The following RNF114 variants were observed in gnomAD, a reference collection of about 807,000 sequenced individuals.
RNF114 encodes the protein ring finger protein 114, also known as E3 ubiquitin-protein ligase RNF114.
A neutral mutation model predicts 28.4 loss-of-function variants in RNF114; 6 were observed. That is an observed-to-expected ratio of 0.21 (90% CI 0.12 to 0.42). The LOEUF is 0.42. Among genes scored for constraint, RNF114 ranks in the 10% least tolerant of loss-of-function variants. The pLI is 1.00. For missense variants in RNF114, 249 were observed against 311.7 expected (o/e 0.80, Z 1.51); for synonymous variants, 115 against 116.7 (o/e 0.99, Z 0.09).
intron 2 of RNF114, among the ~76,000 whole-genome samples, chr20:49,942,239 A>G (rs926820393): frequency 3.9e-5 from 6 of 152,186 alleles, no homozygotes; most frequent in Non-Finnish European, 7.3e-5. Context: ...AGCCTGGCTG[A>G]CAGCAAGACC....
In RNF114 at chr20:49,937,698, C is replaced by G. The variant is rs76695819; in HGVS notation, c.140+1146C>G. Among the ~76,000 whole-genome samples the G allele has an allele frequency of 4.5e-4, 68 of 152,270 alleles. 1 individual carries two copies. The East Asian group carries it at 5.2e-3, about 12-fold the overall frequency. On this transcript the variant is annotated intron_variant, in intron 1 of 5. Coordinates refer to ENST00000244061, the MANE Select transcript of RNF114 (RefSeq NM_018683.4). ...TCGGTTAGCCTGGAACTCTTCCCCC[C>G]ACCCCTCCCTTTTCAGGCTTCAAGT...
rs1028427362 is a variant in RNF114, at chr20:49,936,481, C to T, written c.69C>T (p.Pro23=). Residue 23 remains proline (P), a synonymous_variant, in exon 1 of 6, where the codon CCC becomes CCT. Coordinates refer to ENST00000244061, the MANE Select transcript of RNF114 (RefSeq NM_018683.4). ...QLAGPAAEAD[P]LGRFTCPVCL... Reference sequence around the variant, plus strand: ...CGGGGCCGGCGGCGGAGGCTGACCCCCTAGGACGCTTCACGTGTCCCGTGT... The same window carrying T: ...CGGGGCCGGCGGCGGAGGCTGACCCTCTAGGACGCTTCACGTGTCCCGTGT... 6.4e-7 allele frequency: 1 copy of T among 1,562,928 alleles called. No individual in the cohort carries two copies.
Position 49,946,259 on chromosome 20 carries a change from C to CAT in RNF114, c.513+9_513+10insAT. On this transcript the variant is annotated intron_variant, in intron 4 of 5. Coordinates refer to ENST00000244061, the MANE Select transcript of RNF114 (RefSeq NM_018683.4). Reference sequence around the variant, plus strand: ...CGGATACCAAATCTGTGGTGAGTAACCTTTTTTTTTTTTTTTAAACTTCAT... The same window carrying CAT: ...CGGATACCAAATCTGTGGTGAGTAACATCTTTTTTTTTTTTTTTAAACTTCAT... The CAT allele has an allele frequency of 7.6e-7, 1 of 1,312,292 alleles. No homozygotes were observed. The highest frequency in any genetic ancestry group is 1.1e-6 in the Non-Finnish European group (1 of 948,422). The allele number at this position is 1,312,292 out of a possible 1,614,324, so 81.3% of individuals were successfully genotyped here. A position where few individuals can be genotyped will look rare whatever the true frequency, so the allele number is the denominator to read the frequency against.
chr20:49,941,743 C>CT, intron 2 of RNF114, 32 bp downstream of exon 2: 5 of 1,599,724 alleles, frequency 3.1e-6, no homozygotes, highest in Non-Finnish European at 3.4e-6. Flanking sequence ...GAGTCCATGT[C>CT]TTTCCATGAT....
At chr20:49,943,475 A>G (rs1435288636) in intron 2 of RNF114, among the ~76,000 whole-genome samples, 1 of 151,992 alleles carries the variant, frequency 6.6e-6, no homozygotes, top group Non-Finnish European at 1.5e-5. Flanking sequence ...AGTTTCTACA[A>G]AAAAAGGAAA....
intron 4 of RNF114, among the ~76,000 whole-genome samples, chr20:49,947,938 C>T (rs1044748241): frequency 2.1e-4 from 32 of 151,456 alleles, no homozygotes; most frequent in Non-Finnish European, 3.0e-4. Context: ...ACTACAGGTG[C>T]GCGCCACCAT....
At chr20:49,939,001 A>G (rs1051102444) in intron 1 of RNF114, among the ~76,000 whole-genome samples, 2 of 152,130 alleles carry the variant, frequency 1.3e-5, no homozygotes, top group Non-Finnish European at 2.9e-5. Context: ...CTACCGCATC[A>G]TGGCCCCCAA....
chr20:49,936,423 A>G lies in RNF114; in HGVS notation c.11A>G (p.Gln4Arg). Residue 4 changes from glutamine (Q) to arginine (R), a missense_variant, in exon 1 of 6, where the codon CAA becomes CGA. Around this residue, in one of 2 missense-constraint regions of RNF114, gnomAD observed 123 missense variants for 106.4 expected, o/e 1.16. Transcript: ENST00000244061. ...CAGAGCGGCAGCAAGATGGCGGCGCAACAGCGGGACTGCGGGGGTGCTGCG... is the reference window on the plus strand; with the variant it reads ...CAGAGCGGCAGCAAGATGGCGGCGCGACAGCGGGACTGCGGGGGTGCTGCG... MAA[Q>R]QRDCGGAAQL... 6.6e-7 allele frequency: 1 copy of G among 1,516,150 alleles called. No individual in the cohort carries two copies. The highest frequency in any genetic ancestry group is 8.8e-7 in the Non-Finnish European group (1 of 1,132,816). The allele number at this position is 1,516,150 out of a possible 1,614,324, so 93.9% of individuals were successfully genotyped here.
chr20:49,947,153 G>A (rs1280481724), intron 4 of RNF114, among the ~76,000 whole-genome samples: 2 of 147,076 alleles, frequency 1.4e-5, no homozygotes, highest in African/African-American at 2.5e-5. Flanking sequence ...CTGGGAGGCA[G>A]AAGTTGCAGT....
intron 1 of RNF114, 125 bp downstream of exon 1, chr20:49,936,677 C>T (rs891564234): frequency 1.6e-6 from 2 of 1,231,316 alleles, no homozygotes; most frequent in African/African-American, 1.6e-5. Flanking sequence ...GGGGGTGTCC[C>T]CCGGGGCTCC....
In RNF114 at chr20:49,952,991, T is replaced by A. The variant is rs76475962; in HGVS notation, c.*850T>A. The A allele has an allele frequency of 2.0e-5, 3 of 152,414 alleles. No homozygotes were observed. The highest frequency in any genetic ancestry group is 7.2e-5 in the African/African-American group (3 of 41,574). The allele number at this position is 152,414 out of a possible 1,614,324, so 9.4% of individuals were successfully genotyped here. A position where few individuals can be genotyped will look rare whatever the true frequency, so the allele number is the denominator to read the frequency against. ...CCATTTGGGAGCCTGCCTACATTCTTGTTCTAGAAGCACAAAAAATCCTCA... is the reference window on the plus strand; with the variant it reads ...CCATTTGGGAGCCTGCCTACATTCTAGTTCTAGAAGCACAAAAAATCCTCA... On this transcript the variant is annotated 3_prime_UTR_variant, in exon 6 of 6. Coordinates refer to ENST00000244061, the MANE Select transcript of RNF114 (RefSeq NM_018683.4).
In RNF114 at chr20:49,945,368, T is replaced by A. The variant is rs1486689174; in HGVS notation, c.292-14T>A. Reference sequence around the variant, plus strand: ...TCCTCACTAACTTATGGGCTCTGATTCTTCCTATTTGAGTTCTTCCTGTCC... The same window carrying A: ...TCCTCACTAACTTATGGGCTCTGATACTTCCTATTTGAGTTCTTCCTGTCC... On this transcript the variant is annotated splice_polypyrimidine_tract_variant and intron_variant, in intron 2 of 5. Transcript: ENST00000244061. 1 of 1,565,152 alleles carries A rather than the reference T, an allele frequency of 6.4e-7. No individual in the cohort carries two copies. The highest frequency in any genetic ancestry group is 8.8e-7 in the Non-Finnish European group (1 of 1,135,448).
rs147872231 is a variant in RNF114 at position 49,940,930 on chromosome 20, C to T, written c.141-631C>T. The stretch of plus-strand genomic sequence containing the variant: ...CTAATTTTGGTATTTTTAGTAGAGA[C>T]GGGTTTCACCATGTTGGTAAGGCTG... On this transcript the variant is annotated intron_variant, in intron 1 of 5. Coordinates refer to ENST00000244061, the MANE Select transcript of RNF114 (RefSeq NM_018683.4). Among the ~76,000 whole-genome samples the T allele has an allele frequency of 7.0e-3, 1,053 of 151,342 alleles. 8 individuals carry two copies. The highest frequency in any genetic ancestry group is 0.021 in the African/African-American group (853 of 41,220).
At chr20:49,942,926 A>G (rs1280707842) in intron 2 of RNF114, among the ~76,000 whole-genome samples, 1 of 152,214 alleles carries the variant, frequency 6.6e-6, no homozygotes, top group African/African-American at 2.4e-5. Flanking sequence ...ATTTTTGCAA[A>G]ATGAGATTAT....
At chr20:49,936,750 G>A (rs1010774880) in intron 1 of RNF114, among the ~76,000 whole-genome samples, 198 bp downstream of exon 1, 1 of 152,120 alleles carries the variant, frequency 6.6e-6, no homozygotes, top group African/African-American at 2.4e-5. Flanking sequence ...TAAGTATCCC[G>A]TTCCTCCGCC....
In RNF114 at chr20:49,946,259, C is replaced by CT. The variant is rs1568920451; in HGVS notation, c.513+9_513+10insT. ...CGGATACCAAATCTGTGGTGAGTAACCTTTTTTTTTTTTTTTAAACTTCAT... is the reference window on the plus strand; with the variant it reads ...CGGATACCAAATCTGTGGTGAGTAACTCTTTTTTTTTTTTTTTAAACTTCAT... On this transcript the variant is annotated intron_variant, in intron 4 of 5. Coordinates refer to ENST00000244061, the MANE Select transcript of RNF114 (RefSeq NM_018683.4). 3 of 1,312,268 alleles carry CT rather than the reference C, an allele frequency of 2.3e-6. No individual in the cohort carries two copies. The highest frequency in any genetic ancestry group is 2.7e-5 in the South Asian group (2 of 73,432). The allele number at this position is 1,312,268 out of a possible 1,614,324, so 81.3% of individuals were successfully genotyped here.
chr20:49,941,162 G>A (rs902744861), intron 1 of RNF114: 4 of 161,220 alleles, frequency 2.5e-5, no homozygotes, highest in African/African-American at 9.6e-5. Flanking sequence ...GTTTTGTAAG[G>A]GCTGGACACT....
chr20:49,950,858 G>T (rs191890032), intron 5 of RNF114, among the ~76,000 whole-genome samples: 1 of 152,098 alleles, frequency 6.6e-6, no homozygotes, highest in Non-Finnish European at 1.5e-5. Flanking sequence ...AAATGCAGGC[G>T]CAGCATTGCC....
intron 5 of RNF114, 119 bp from the exon 6 acceptor site, chr20:49,951,957 G>C (rs941847485): frequency 1.9e-5 from 13 of 692,122 alleles, no homozygotes; most frequent in Non-Finnish European, 3.4e-5. Flanking sequence ...GTTGCACTGG[G>C]GATCCGGTCC....
Sources: gnomAD v4.1 joint callset for allele counts (sites outside exome capture counted in the v4.1 genomes callset) on GRCh38, gnomAD v4.1.1 for gene constraint, gnomAD v4.1.1 regional missense constraint, MANE v1.5 for transcripts, NCBI Gene and HGNC (gene_info 2026-07-23, HGNC 2026-07-21) for gene names.